The following CPED1 variants were observed in gnomAD, a reference collection of about 807,000 sequenced individuals.
CPED1 encodes the protein cadherin like and PC-esterase domain containing 1.
In CPED1, 114 loss-of-function variants were observed where a neutral mutation model predicts 128.2. The observed-to-expected ratio is 0.89, with a 90% CI of 0.76 to 1.04. CPED1 has a LOEUF of 1.04. Ranked by LOEUF, CPED1 falls within the 50% of genes least tolerant of loss-of-function variation. The pLI, the probability that CPED1 is intolerant of heterozygous loss-of-function variation, is 0.00. For synonymous variants in CPED1, 462 were observed against 426.7 expected, an observed-to-expected ratio of 1.08 and a Z score of -1.02; for missense variants, 1,211 against 1,207.1, an observed-to-expected ratio of 1.00 and a Z score of -0.05.
chr7:121,064,466 A>G (rs557363788), intron 5 of CPED1, among the ~76,000 whole-genome samples, 153 bp downstream of exon 5: 1 of 152,312 alleles, frequency 6.6e-6, no homozygotes, highest in East Asian at 1.9e-4. Flanking sequence ...ACGCTTTGCC[A>G]ATGAAAAGAC....
At position 121,173,253 on chromosome 7, in the gene CPED1, AT is replaced by A; in HGVS notation, c.2055+31120del. Among the ~76,000 whole-genome samples the A allele has an allele frequency of 2.0e-5, 3 of 151,898 alleles. No homozygotes were observed. In the South Asian group the frequency reaches 6.2e-4, roughly 32 times the overall value. ...GTACTCCTATTAATATCCCCACTTT[AT>A]TTTTTTTAACTTTTAGGTTCATGGT... On this transcript the variant is annotated intron_variant, in intron 16 of 22. Transcript: ENST00000310396.
chr7:121,048,058 C>A (rs920096588), intron 4 of CPED1, among the ~76,000 whole-genome samples: 4 of 152,186 alleles, frequency 2.6e-5, no homozygotes, highest in South Asian at 2.1e-4. Flanking sequence ...ACATTTCTGG[C>A]CATTCCTCCT....
chr7:120,996,669 G>A (rs530770708), intron 2 of CPED1, among the ~76,000 whole-genome samples: 1 of 152,260 alleles, frequency 6.6e-6, no homozygotes, highest in East Asian at 1.9e-4. Flanking sequence ...CATGAGCACA[G>A]CCCTTATGGC....
In CPED1 at chr7:121,222,388, G is replaced by A. The variant is rs982654393; in HGVS notation, c.2056-14326G>A. On this transcript the variant is annotated intron_variant, in intron 16 of 22. Transcript: ENST00000310396. ...GTAGTATAGTTTACAGTCAGGTAGC[G>A]TGATGCCTCCAGCTTTGTTCTTTTT... Among the ~76,000 whole-genome samples, 8 of 152,214 alleles carry A rather than the reference G, an allele frequency of 5.3e-5. No homozygotes were observed. The East Asian group carries it at 5.8e-4, about 11-fold the overall frequency.
chr7:121,205,507 GTGT>G (rs1314964676), intron 16 of CPED1, among the ~76,000 whole-genome samples: 1 of 151,924 alleles, frequency 6.6e-6, no homozygotes, highest in East Asian at 1.9e-4. Context: ...GAGGTTTCTA[GTGT>G]TGTTTTTGTT....
chr7:121,191,928 G>A (rs1049945176), intron 16 of CPED1, among the ~76,000 whole-genome samples: 2 of 151,950 alleles, frequency 1.3e-5, no homozygotes, highest in African/African-American at 4.8e-5. Context: ...TTGTCTAGGT[G>A]GCAGGAAACC....
At chr7:121,136,137 A>G (rs367647770) in intron 14 of CPED1, 47 bp downstream of exon 14, 39 of 1,516,616 alleles carry the variant, frequency 2.6e-5, no homozygotes, top group Non-Finnish European at 3.3e-5. Flanking sequence ...ACAATTAGGG[A>G]ACAGCCTTAC....
chr7:121,109,749 A>G (rs1287998639), intron 7 of CPED1, among the ~76,000 whole-genome samples: 1 of 152,210 alleles, frequency 6.6e-6, no homozygotes, highest in Non-Finnish European at 1.5e-5. Context: ...TTGATTACTC[A>G]GATTATCTAC....
intron 3 of CPED1, among the ~76,000 whole-genome samples, chr7:121,020,038 A>C (rs1164600224): frequency 1.3e-5 from 2 of 151,982 alleles, no homozygotes; most frequent in Non-Finnish European, 2.9e-5. Context: ...ATACTTGAAG[A>C]GTAGTGGATA....
intron 18 of CPED1, among the ~76,000 whole-genome samples, chr7:121,249,343 A>G (rs1798614211): frequency 6.6e-6 from 1 of 152,168 alleles, no homozygotes; most frequent in African/African-American, 2.4e-5. Context: ...TATATGCTAT[A>G]TGAAATGACC....
chr7:121,131,644 T>C (rs1369422009), intron 12 of CPED1, among the ~76,000 whole-genome samples: 3 of 152,038 alleles, frequency 2.0e-5, no homozygotes, highest in African/African-American at 4.8e-5. Flanking sequence ...AATTCTCTTC[T>C]AATAAGAAAA....
intron 5 of CPED1, among the ~76,000 whole-genome samples, chr7:121,086,656 G>T (rs993693653): frequency 2.6e-5 from 4 of 152,154 alleles, no homozygotes; most frequent in Non-Finnish European, 5.9e-5. Flanking sequence ...AGATTCAAGG[G>T]ATAGAAGGAA....
At chr7:121,013,470 G>C (rs757851599) in intron 2 of CPED1, among the ~76,000 whole-genome samples, 35 of 152,090 alleles carry the variant, frequency 2.3e-4, no homozygotes, top group Admixed American at 8.5e-4. Flanking sequence ...GTTAACATGT[G>C]CCAGGCAGAG....
chr7:121,000,894 C>A (rs1446824012), intron 2 of CPED1, among the ~76,000 whole-genome samples: 1 of 152,074 alleles, frequency 6.6e-6, no homozygotes, highest in African/African-American at 2.4e-5. Flanking sequence ...ACGTAACTAA[C>A]CCCTATTTGT....
At chr7:121,099,835 A>G (rs1794799527) in intron 6 of CPED1, 91 bp from the exon 7 acceptor site, 2 of 1,347,076 alleles carry the variant, frequency 1.5e-6, no homozygotes, top group East Asian at 4.7e-5. Flanking sequence ...TACAAAGGAT[A>G]GAAGCAGTTT....
intron 22 of CPED1, among the ~76,000 whole-genome samples, chr7:121,284,915 A>T (rs1044928559): frequency 3.9e-5 from 6 of 152,182 alleles, no homozygotes; most frequent in Non-Finnish European, 5.9e-5. Flanking sequence ...AGCTTCATTC[A>T]GCAGTGCCCC....
intron 16 of CPED1, among the ~76,000 whole-genome samples, chr7:121,186,404 C>T (rs1256272606): frequency 1.3e-5 from 2 of 152,032 alleles, no homozygotes; most frequent in African/African-American, 4.8e-5. Context: ...TAAAATGAGT[C>T]CTCATAGCTC....
chr7:121,148,982 T>C (rs1006638600), intron 16 of CPED1, among the ~76,000 whole-genome samples: 3 of 152,198 alleles, frequency 2.0e-5, no homozygotes, highest in South Asian at 2.1e-4. Flanking sequence ...GGTTCTACTC[T>C]TCTGTTTCAC....
intron 11 of CPED1, among the ~76,000 whole-genome samples, chr7:121,129,247 TTA>T (rs1795585965): frequency 6.8e-6 from 1 of 147,264 alleles, no homozygotes; most frequent in Admixed American, 6.8e-5. Context: ...ACTCAAGTAT[TTA>T]TCTTACTTGT....
Sources: gnomAD v4.1 joint callset for allele counts (sites outside exome capture counted in the v4.1 genomes callset) on GRCh38, gnomAD v4.1.1 for gene constraint, MANE v1.5 for transcripts, NCBI Gene and HGNC (gene_info 2026-07-23, HGNC 2026-07-21) for gene names.